Variants in MLXIP observed in about 807,000 individuals in gnomAD.
MLXIP encodes the protein MLX interacting protein.
In MLXIP, 30 loss-of-function variants were observed where a neutral mutation model predicts 87.2. The ratio of observed to expected loss-of-function variants is 0.34; its 90% confidence interval spans 0.26 to 0.47. MLXIP has a LOEUF of 0.47. Among genes scored for constraint, MLXIP ranks in the 20% least tolerant of loss-of-function variants. The pLI is 1.00. For synonymous variants in MLXIP, 530 were observed against 514.0 expected, an observed-to-expected ratio of 1.03 and a Z score of -0.42; for missense variants, 1,002 against 1,240.1, an observed-to-expected ratio of 0.81 and a Z score of 2.88.
chr12:122,126,052 C>G (rs1273730298), intron 1 of MLXIP, among the ~76,000 whole-genome samples: 1 of 152,192 alleles, frequency 6.6e-6, no homozygotes, highest in Admixed American at 6.5e-5. Flanking sequence ...GATCAAACCT[C>G]CACAGCCGCA....
chr12:122,084,440 C>T (rs890685393), intron 1 of MLXIP, among the ~76,000 whole-genome samples: 7 of 151,784 alleles, frequency 4.6e-5, no homozygotes, highest in Non-Finnish European at 8.8e-5. Context: ...GTCCAGGTGA[C>T]GAGGTTAGAG....
Position 122,138,379 on chromosome 12 carries a change from CT to C in MLXIP, c.2257-44del, listed in dbSNP as rs1343295679. 4 of 1,610,636 alleles carry C rather than the reference CT, an allele frequency of 2.5e-6. No homozygotes were observed. The Admixed American group carries it at 5.0e-5, about 20-fold the overall frequency. On this transcript the variant is annotated intron_variant, in intron 13 of 16. Transcript: ENST00000319080. The stretch of plus-strand genomic sequence containing the variant: ...TGCGTGGTCATTGCTGGTGGCAGGC[CT>C]GCTGGCTGTGGGTGCTGCCTCCAGC...
At chr12:122,091,999 G>A (rs1325453998) in intron 1 of MLXIP, among the ~76,000 whole-genome samples, 1 of 152,212 alleles carries the variant, frequency 6.6e-6, no homozygotes, top group Non-Finnish European at 1.5e-5. Context: ...TGGCCTAAGC[G>A]ATGAAGGCGG....
chr12:122,114,290 G>A (rs1248833364), intron 1 of MLXIP, among the ~76,000 whole-genome samples: 1 of 152,092 alleles, frequency 6.6e-6, no homozygotes, highest in Non-Finnish European at 1.5e-5. Flanking sequence ...CTGGCTGACT[G>A]CCTTCATTTC....
In MLXIP at chr12:122,147,169, A is replaced by G. The variant is rs138034740; in HGVS notation, c.*5357A>G. 3.3e-5 allele frequency: 5 copies of G among 152,240 alleles called. No individual in the cohort carries two copies. Among genetic ancestry groups the G allele is most frequent in the African/African-American group, 1.2e-4 (5 of 41,542 alleles). The allele number at this position is 152,240 out of a possible 1,614,324, so 9.4% of individuals were successfully genotyped here. A position where few individuals can be genotyped will look rare whatever the true frequency, so the allele number is the denominator to read the frequency against. On this transcript the variant is annotated 3_prime_UTR_variant, in exon 17 of 17. Transcript: ENST00000319080. ...CACCTCGTGGTCTGAAGAACAAACC[A>G]GAGAAGAGTCTGGTTTGGCCAGAGG... is the stretch of plus-strand genomic sequence containing the variant.
intron 1 of MLXIP, among the ~76,000 whole-genome samples, chr12:122,120,083 CAG>C (rs1311678214): frequency 6.6e-6 from 1 of 152,222 alleles, no homozygotes; most frequent in East Asian, 1.9e-4. Context: ...GATGGATAAA[CAG>C]AATGTGGTCC....
chr12:122,087,122 T>TAGCCA (rs1952180300), intron 1 of MLXIP, among the ~76,000 whole-genome samples: 1 of 152,168 alleles, frequency 6.6e-6, no homozygotes, highest in East Asian at 1.9e-4. Flanking sequence ...AGAGGGAGCC[T>TAGCCA]GGCTGGCCGG....
chr12:122,137,229 C>G lies in MLXIP; in HGVS notation c.2033-240C>G. ...CGACACCAGTGACTGGAACACGTCA[C>G]ACAGGGTTGCTCCATCGTGTTCTGT... On this transcript the variant is annotated intron_variant, in intron 11 of 16. Transcript: ENST00000319080. This position sits in a 1 kb window ranked among gnomAD's most constrained non-coding sequence, Gnocchi z 4.1. 2.8e-6 allele frequency: 1 copy of G among 360,128 alleles called. No individual in the cohort carries two copies. The highest frequency in any genetic ancestry group is 4.9e-6 in the Non-Finnish European group (1 of 203,360). The allele number at this position is 360,128 out of a possible 1,614,324, so 22.3% of individuals were successfully genotyped here. A position where few individuals can be genotyped will look rare whatever the true frequency, so the allele number is the denominator to read the frequency against.
Position 122,127,308 on chromosome 12 carries a change from T to C in MLXIP, c.466T>C (p.Trp156Arg), listed in dbSNP as rs1235348959. 1.9e-6 allele frequency: 3 copies of C among 1,613,638 alleles called. No individual in the cohort carries two copies. Among genetic ancestry groups the C allele is most frequent in the African/African-American group, 1.3e-5 (1 of 74,866 alleles). The change falls in exon 2 of 17, where the codon TGG (tryptophan) becomes CGG (arginine). Residue 156 changes from tryptophan (W) to arginine (R), a missense_variant. By Grantham distance (101) the Trp-to-Arg change is moderately radical. This residue lies in a region of MLXIP where 127 missense variants were observed against 239.0 expected (regional missense o/e 0.53). Coordinates refer to ENST00000319080, the MANE Select transcript of MLXIP (RefSeq NM_014938.6). Reference protein sequence around the residue: ...WKNFKGLKLQWRDKIRLNNAI... With the variant: ...WKNFKGLKLQRRDKIRLNNAI... ...GAATTTCAAGGGCCTGAAGCTACAG[T>C]GGAGAGACAAGATCCGGCTCAATAA...
chr12:122,087,056 G>A (rs545885415), intron 1 of MLXIP, among the ~76,000 whole-genome samples: 2 of 152,250 alleles, frequency 1.3e-5, no homozygotes, highest in African/African-American at 4.8e-5. Context: ...AGCTTCCTGG[G>A]ACCATCAACA....
intron 1 of MLXIP, among the ~76,000 whole-genome samples, chr12:122,115,417 G>A (rs1952675002): frequency 6.6e-6 from 1 of 151,428 alleles, no homozygotes; most frequent in Non-Finnish European, 1.5e-5. Flanking sequence ...GTGAAACCCC[G>A]TCTCTACTAA....
At chr12:122,124,837 C>G (rs1250334355) in intron 1 of MLXIP, among the ~76,000 whole-genome samples, 5 of 152,138 alleles carry the variant, frequency 3.3e-5, no homozygotes, top group Admixed American at 3.3e-4. Flanking sequence ...TCAAAACCAG[C>G]CTGACGAACG....
intron 1 of MLXIP, among the ~76,000 whole-genome samples, chr12:122,111,111 T>G (rs1215667549): frequency 6.6e-6 from 1 of 152,118 alleles, no homozygotes; most frequent in South Asian, 2.1e-4. Flanking sequence ...TTATAGGTCT[T>G]GGCTACCTGG....
At chr12:122,129,870 G>A (rs1565982294) in intron 5 of MLXIP, 71 bp from the exon 6 acceptor site, 1 of 1,546,234 alleles carries the variant, frequency 6.5e-7, no homozygotes, top group South Asian at 1.2e-5. Context: ...TTCCCCAGGT[G>A]ACAGGCGTGG....
At chr12:122,107,747 G>A (rs1267809913) in intron 1 of MLXIP, among the ~76,000 whole-genome samples, 1 of 152,146 alleles carries the variant, frequency 6.6e-6, no homozygotes, top group Non-Finnish European at 1.5e-5. Flanking sequence ...CCTGTGGCTG[G>A]TGGTGACAGG....
intron 12 of MLXIP, 40 bp from the exon 13 acceptor site, chr12:122,138,154 G>T (rs1462077539): frequency 2.0e-6 from 3 of 1,529,264 alleles, no homozygotes; most frequent in Non-Finnish European, 2.7e-6. Flanking sequence ...CAGTGTGCCT[G>T]CAATGTGCCT....
chr12:122,099,526 C>T (rs1317619139), intron 1 of MLXIP, among the ~76,000 whole-genome samples: 1 of 152,248 alleles, frequency 6.6e-6, no homozygotes, highest in Non-Finnish European at 1.5e-5. Flanking sequence ...AGGTTCCCCA[C>T]CTGCTGTCCC....
rs1447987502 is a variant in MLXIP at position 122,135,309 on chromosome 12, G to T, written c.1818G>T (p.Gln606His). ...GGATGTTGGCCTCCACCGTGTCCCA[G>T]TCCAACGTGGTCATTGCGCCTGCTG... Reference protein sequence around the residue: ...REGMLASTVSQSNVVIAPAAI... With the variant: ...REGMLASTVSHSNVVIAPAAI... Residue 606 changes from glutamine (Q) to histidine (H), a missense_variant, in exon 10 of 17, where the codon CAG (glutamine) becomes CAT (histidine). By Grantham distance (24) the Gln-to-His change is conservative (BLOSUM62 0). This residue lies in a region of MLXIP where 746 missense variants were observed against 897.0 expected (regional missense o/e 0.83). Coordinates refer to ENST00000319080, the MANE Select transcript of MLXIP (RefSeq NM_014938.6). This position sits in a 1 kb window ranked among gnomAD's most constrained non-coding sequence, Gnocchi z 5.3. The T allele has an allele frequency of 1.1e-5, 17 of 1,613,604 alleles. No individual in the cohort carries two copies. Among genetic ancestry groups the T allele is most frequent in the Non-Finnish European group, 1.4e-5 (17 of 1,179,880 alleles).
intron 1 of MLXIP, among the ~76,000 whole-genome samples, chr12:122,113,663 A>G (rs1291406688): frequency 2.7e-5 from 4 of 149,718 alleles, no homozygotes; most frequent in Non-Finnish European, 5.9e-5. Context: ...AGAACAGTCC[A>G]TATAACTGCC....
Sources: gnomAD v4.1 joint callset for allele counts (sites outside exome capture counted in the v4.1 genomes callset) on GRCh38, gnomAD v4.1.1 for gene constraint, gnomAD v4.1.1 regional missense constraint, Gnocchi (gnomAD v3.1) non-coding constraint, MANE v1.5 for transcripts, NCBI Gene and HGNC (gene_info 2026-07-23, HGNC 2026-07-21) for gene names.